CDIN1: variants seen among roughly 807,000 people sequenced by gnomAD.
CDIN1 encodes CDAN1 interacting nuclease 1, also known as CDAN1-interacting nuclease 1.
Under a neutral mutation model 45.3 loss-of-function variants are expected in CDIN1, and 33 were observed. The observed-to-expected ratio is 0.73, with a 90% CI of 0.55 to 0.97. CDIN1 has a LOEUF of 0.97. Among genes scored for constraint, CDIN1 ranks in the 50% least tolerant of loss-of-function variants. The pLI, the probability that CDIN1 is intolerant of heterozygous loss-of-function variation, is 0.00. For synonymous variants in CDIN1, 118 were observed against 124.4 expected (o/e 0.95, Z 0.34); for missense variants, 303 against 339.4 (o/e 0.89, Z 0.84).
chr15:36,682,243 G>A (rs2041875630), intron 5 of CDIN1, among the ~76,000 whole-genome samples: 1 of 152,108 alleles, frequency 6.6e-6, no homozygotes, highest in Non-Finnish European at 1.5e-5. Context: ...CCAGTCTGAA[G>A]GCCAGCAGGC....
At chr15:36,682,925 A>G (rs931379880) in intron 5 of CDIN1, among the ~76,000 whole-genome samples, 3 of 152,198 alleles carry the variant, frequency 2.0e-5, no homozygotes, top group Non-Finnish European at 4.4e-5. Context: ...AATAACAGAC[A>G]CAATAACATG....
intron 1 of CDIN1, among the ~76,000 whole-genome samples, chr15:36,619,516 TATCC>T (rs1187231286): frequency 3.1e-5 from 4 of 129,484 alleles, no homozygotes; most frequent in East Asian, 4.5e-4. Flanking sequence ...TCTATCTATC[TATCC>T]ATCCATCCAC....
At chr15:36,797,578 T>C (rs2054845209) in intron 10 of CDIN1, among the ~76,000 whole-genome samples, 1 of 152,128 alleles carries the variant, frequency 6.6e-6, no homozygotes, top group Non-Finnish European at 1.5e-5. Flanking sequence ...CCCCTTAATA[T>C]CCTAGACAGA....
At chr15:36,680,147 G>C (rs1280461952) in intron 5 of CDIN1, among the ~76,000 whole-genome samples, 1 of 152,162 alleles carries the variant, frequency 6.6e-6, no homozygotes, top group Non-Finnish European at 1.5e-5. Context: ...GCATTTTATA[G>C]CCACCAATGA....
chr15:36,692,947 A>G (rs2042305420), intron 7 of CDIN1, among the ~76,000 whole-genome samples: 1 of 152,150 alleles, frequency 6.6e-6, no homozygotes, highest in Non-Finnish European at 1.5e-5. Flanking sequence ...ATAATGAGTA[A>G]TTTTTATGAG....
intron 10 of CDIN1, among the ~76,000 whole-genome samples, chr15:36,745,728 G>A (rs1016810325): frequency 1.5e-4 from 23 of 152,112 alleles, no homozygotes; most frequent in Admixed American, 1.2e-3. Flanking sequence ...CACTTTGGGA[G>A]GCCGAGGCGA....
chr15:36,805,456 T>A (rs1424198593), intron 10 of CDIN1, among the ~76,000 whole-genome samples: 1 of 152,158 alleles, frequency 6.6e-6, no homozygotes, highest in Non-Finnish European at 1.5e-5. Context: ...AAGGTTGTAT[T>A]TGCCTTCCCA....
chr15:36,777,861 T>C (rs933042832), intron 10 of CDIN1, among the ~76,000 whole-genome samples: 1 of 152,238 alleles, frequency 6.6e-6, no homozygotes, highest in Non-Finnish European at 1.5e-5. Context: ...TCTGCCCGCC[T>C]CGGCCTCCCA....
In CDIN1 at chr15:36,760,183, TATTTAGGAGGTCA is replaced by T. The variant is rs1241848972; in HGVS notation, c.717-48139_717-48127del. 2.0e-5 allele frequency among the ~76,000 whole-genome samples: 3 copies of T among 152,200 alleles called. No individual in the cohort carries two copies. In the East Asian group the frequency reaches 5.8e-4, roughly 29 times the overall value. On this transcript the variant is annotated intron_variant, in intron 10 of 10. Transcript: ENST00000566621. ...TTTTTAACCAGTCACCTGTAATGGGTATTTAGGAGGTCAACATAAATAGCACTGTAATGAACAT... is the reference window on the plus strand; with the variant it reads ...TTTTTAACCAGTCACCTGTAATGGGTACATAAATAGCACTGTAATGAACAT...
chr15:36,618,925 C>T (rs2039024627), intron 1 of CDIN1: 9 of 1,483,004 alleles, frequency 6.1e-6, no homozygotes, highest in Non-Finnish European at 8.4e-6. Context: ...CACCGTGACT[C>T]TACAGGAACC....
chr15:36,623,730 A>G (rs2039303359), intron 1 of CDIN1, among the ~76,000 whole-genome samples: 2 of 152,260 alleles, frequency 1.3e-5, no homozygotes, highest in South Asian at 4.1e-4. Flanking sequence ...CGAACTGTCT[A>G]AAACCTTTAG....
At chr15:36,782,142 G>C (rs942552277) in intron 10 of CDIN1, among the ~76,000 whole-genome samples, 1 of 152,084 alleles carries the variant, frequency 6.6e-6, no homozygotes, top group Admixed American at 6.6e-5. Flanking sequence ...AGTGTCTCTA[G>C]TTATCTTAAT....
chr15:36,661,594 G>A (rs2041016734), intron 5 of CDIN1, among the ~76,000 whole-genome samples: 1 of 152,158 alleles, frequency 6.6e-6, no homozygotes. Flanking sequence ...TTACTCCCAT[G>A]TTTTATAGTC....
At chr15:36,757,075 T>C (rs2053628017) in intron 10 of CDIN1, among the ~76,000 whole-genome samples, 1 of 152,082 alleles carries the variant, frequency 6.6e-6, no homozygotes, top group Admixed American at 6.6e-5. Flanking sequence ...GACAATAAAT[T>C]TGTGAACCAT....
rs146666634 is a variant in CDIN1 at position 36,749,473 on chromosome 15, A to G, written c.716+39512A>G. 1.3e-3 allele frequency among the ~76,000 whole-genome samples: 196 copies of G among 152,246 alleles called. 2 individuals are homozygous for G. Among genetic ancestry groups the G allele is most frequent in the African/African-American group, 4.4e-3 (182 of 41,556 alleles). ...AGCTCACCAAGGTTTCTGAAGTTTC[A>G]TTATTTTTATAGATTTCTCAAATAA... is the stretch of plus-strand genomic sequence containing the variant. On this transcript the variant is annotated intron_variant, in intron 10 of 10. Coordinates refer to ENST00000566621, the MANE Select transcript of CDIN1 (RefSeq NM_001321759.2).
chr15:36,758,230 T>C (rs2140990009), intron 10 of CDIN1, among the ~76,000 whole-genome samples: 1 of 152,152 alleles, frequency 6.6e-6, no homozygotes, highest in Non-Finnish European at 1.5e-5. Context: ...AAAACTGGTA[T>C]ATAAGGGGCC....
chr15:36,645,472 A>G (rs147171886), intron 3 of CDIN1, among the ~76,000 whole-genome samples, 185 bp downstream of exon 3: 149 of 149,662 alleles, frequency 1.0e-3, no homozygotes, highest in African/African-American at 3.4e-3. Context: ...AGATCTAAAG[A>G]GTATGGTAAG....
At chr15:36,781,205 C>T (rs1369420819) in intron 10 of CDIN1, among the ~76,000 whole-genome samples, 1 of 152,128 alleles carries the variant, frequency 6.6e-6, no homozygotes, top group Non-Finnish European at 1.5e-5. Flanking sequence ...ACTGGGAGTT[C>T]AAGTTGTTCT....
intron 10 of CDIN1, among the ~76,000 whole-genome samples, chr15:36,775,097 C>G (rs1310693106): frequency 1.3e-5 from 2 of 152,174 alleles, no homozygotes; most frequent in Non-Finnish European, 2.9e-5. Context: ...GCAGAGAAAC[C>G]TTACAACATC....
Sources: gnomAD v4.1 joint callset for allele counts (sites outside exome capture counted in the v4.1 genomes callset) on GRCh38, gnomAD v4.1.1 for gene constraint, MANE v1.5 for transcripts, NCBI Gene and HGNC (gene_info 2026-07-23, HGNC 2026-07-21) for gene names.